MIPEP: variants seen among roughly 807,000 people sequenced by gnomAD.
MIPEP encodes the protein mitochondrial intermediate peptidase.
Under a neutral mutation model 90.3 loss-of-function variants are expected in MIPEP, and 79 were observed. The ratio of observed to expected loss-of-function variants is 0.87; its 90% CI spans 0.73 to 1.05. The LOEUF is 1.05. MIPEP is among the 50% of genes least tolerant of loss of function. The pLI is 0.00. For missense variants in MIPEP, 940 were observed against 905.6 expected (o/e 1.04, Z -0.49); for synonymous variants, 334 against 315.8 (o/e 1.06, Z -0.61).
intron 18 of MIPEP, among the ~76,000 whole-genome samples, chr13:23,731,254 T>G (rs751164539): frequency 1.3e-5 from 2 of 152,196 alleles, no homozygotes; most frequent in Non-Finnish European, 2.9e-5. Context: ...GTAAAACCAT[T>G]TTCAAAATCA....
intron 16 of MIPEP, among the ~76,000 whole-genome samples, chr13:23,775,462 C>A (rs940907569): frequency 2.6e-5 from 4 of 152,096 alleles, no homozygotes; most frequent in African/African-American, 9.7e-5. Flanking sequence ...GCCAATCAAT[C>A]CTGAAGTCCT....
chr13:23,857,851 A>C (rs115120005), intron 10 of MIPEP, among the ~76,000 whole-genome samples: 2,507 of 152,308 alleles, frequency 0.016, 72 homozygotes, highest in African/African-American at 0.058. Context: ...TTAAGCAAAT[A>C]CTTCTTATTT....
At chr13:23,737,677 C>T (rs1346499611) in intron 18 of MIPEP, among the ~76,000 whole-genome samples, 2 of 152,136 alleles carry the variant, frequency 1.3e-5, no homozygotes, top group African/African-American at 4.8e-5. Flanking sequence ...CTGTTTAACC[C>T]TTGAATGCCC....
intron 15 of MIPEP, 24 bp from the exon 16 acceptor site, chr13:23,806,093 T>C: frequency 6.2e-7 from 1 of 1,613,090 alleles, no homozygotes; most frequent in East Asian, 2.2e-5. Flanking sequence ...AACATCTACT[T>C]AGTTTTGGTC....
rs1178059077 is a variant in MIPEP, at chr13:23,870,203, C to A, written c.604-8G>T. 16 of 1,513,140 alleles carry A rather than the reference C, an allele frequency of 1.1e-5. No individual in the cohort carries two copies. In the Middle Eastern group the frequency reaches 5.3e-4, roughly 50 times the overall value. 93.7% of individuals were successfully genotyped at this position (1,513,140 alleles called of 1,614,324 possible). On this transcript the variant is annotated splice_region_variant and splice_polypyrimidine_tract_variant and intron_variant, in intron 5 of 18. Transcript: ENST00000382172. ...GTCCACTGCTCTTTTACGCTGTATGCAGGAGGAGTAAAAGTTATTTAAAGG... is the reference window on the plus strand; with the variant it reads ...GTCCACTGCTCTTTTACGCTGTATGAAGGAGGAGTAAAAGTTATTTAAAGG...
chr13:23,820,351 C>T (rs9510875), intron 14 of MIPEP, among the ~76,000 whole-genome samples: 53,348 of 151,992 alleles, frequency 0.35, 9,985 homozygotes, highest in African/African-American at 0.48. Context: ...TTAAATTATA[C>T]GTAGTCCTAC....
chr13:23,833,675 C>CA (rs1244629924), intron 14 of MIPEP, among the ~76,000 whole-genome samples: 3 of 152,074 alleles, frequency 2.0e-5, no homozygotes, highest in African/African-American at 7.2e-5. Context: ...AAGTAGATGG[C>CA]AATTTAAAAA....
At chr13:23,830,528 A>G (rs575679827) in intron 14 of MIPEP, among the ~76,000 whole-genome samples, 7 of 152,310 alleles carry the variant, frequency 4.6e-5, no homozygotes, top group African/African-American at 1.4e-4. Flanking sequence ...TTCTACAAAT[A>G]CTGTGTTATA....
Position 23,809,885 on chromosome 13 carries a change from T to A in MIPEP, c.1693A>T (p.Lys565Ter). 6.2e-7 allele frequency: 1 copy of A among 1,613,804 alleles called. No individual in the cohort carries two copies. The highest frequency in any genetic ancestry group is 1.1e-5 in the South Asian group (1 of 91,052). The change falls in exon 15 of 19, where the codon AAA (lysine) becomes TAA (stop). Residue 565 changes from lysine (K) to a stop codon, truncating the protein, a stop_gained. Coordinates refer to ENST00000382172, the MANE Select transcript of MIPEP (RefSeq NM_005932.4). LOFTEE classifies it high-confidence loss of function. Reference sequence around the variant, plus strand: ...ATATCAGCTGCAGCACAAACCTTTTTAGATTCACAAAGACGAGACACCATA... The same window carrying A: ...ATATCAGCTGCAGCACAAACCTTTTAAGATTCACAAAGACGAGACACCATA... ...KNMVSRLCES[K>*]KVCAAADMQL...
chr13:23,831,383 C>CGGGGGGGGGGGGGGGGGGGGGGGGGGG (rs1555237542), intron 14 of MIPEP, among the ~76,000 whole-genome samples: 3 of 40,900 alleles, frequency 7.3e-5, no homozygotes, highest in Admixed American at 2.4e-4. Flanking sequence ...TTCCCCATGG[C>CGGGGGGGGGGGGGGGGGGGGGGGGGGG]GGGGGGGGGA....
chr13:23,779,607 G>A (rs901763751), intron 16 of MIPEP, among the ~76,000 whole-genome samples: 3 of 152,076 alleles, frequency 2.0e-5, no homozygotes, highest in Non-Finnish European at 4.4e-5. Flanking sequence ...TCGGACAGTA[G>A]GGGCAGGACA....
chr13:23,783,211 T>C (rs921333352), intron 16 of MIPEP, among the ~76,000 whole-genome samples: 1 of 151,590 alleles, frequency 6.6e-6, no homozygotes, highest in Non-Finnish European at 1.5e-5. Flanking sequence ...TCCTCAATAC[T>C]GGCAAACTGA....
intron 18 of MIPEP, among the ~76,000 whole-genome samples, chr13:23,755,117 C>T (rs2138509883): frequency 6.6e-6 from 1 of 152,296 alleles, no homozygotes; most frequent in South Asian, 2.1e-4. Context: ...AAACCATCCC[C>T]AGAGGTGGAA....
intron 16 of MIPEP, among the ~76,000 whole-genome samples, chr13:23,779,471 G>A (rs184704773): frequency 2.0e-5 from 3 of 152,054 alleles, no homozygotes; most frequent in Non-Finnish European, 4.4e-5. Context: ...AGGTGTATGG[G>A]GGGGGCAGTT....
intron 14 of MIPEP, among the ~76,000 whole-genome samples, chr13:23,834,153 CCCGGAG>C (rs1169841720): frequency 6.6e-6 from 1 of 152,142 alleles, no homozygotes; most frequent in African/African-American, 2.4e-5. Flanking sequence ...GGGCCGAGCC[CCCGGAG>C]CCGGAGCCTG....
intron 4 of MIPEP, among the ~76,000 whole-genome samples, chr13:23,875,287 A>G (rs989785624): frequency 1.3e-5 from 2 of 152,226 alleles, no homozygotes; most frequent in African/African-American, 4.8e-5. Context: ...TTTGTAATAA[A>G]TAATTATTTA....
chr13:23,864,735 C>CAAAAAAAA lies in MIPEP; in HGVS notation c.944-554_944-547dup, dbSNP rs373133876. On this transcript the variant is annotated intron_variant, in intron 7 of 18. Transcript: ENST00000382172. ...TGGGCAAGAAAGTGAGACTCCATCT[C>CAAAAAAAA]AAAAAAAAAAAAAAAAAGAGTTAAT... 4.7e-5 allele frequency among the ~76,000 whole-genome samples: 4 copies of CAAAAAAAA among 85,250 alleles called. 1 individual carries two copies. Among genetic ancestry groups the CAAAAAAAA allele is most frequent in the African/African-American group, 9.2e-5 (2 of 21,732 alleles). 55.9% of individuals were successfully genotyped at this position (85,250 alleles called of 152,430 possible). A position where few individuals can be genotyped will look rare whatever the true frequency, so the allele number is the denominator to read the frequency against.
At position 23,864,180 on chromosome 13, in the gene MIPEP, A is replaced by G. The variant is rs1159990672; in HGVS notation, c.953T>C (p.Met318Thr). 1 of 1,564,428 alleles carries G rather than the reference A, an allele frequency of 6.4e-7. No homozygotes were observed. The highest frequency in any genetic ancestry group is 8.7e-7 in the Non-Finnish European group (1 of 1,153,332). ...GTIAKNPETV[M>T]QFLEKLSDKL... Reference sequence around the variant, plus strand: ...GTCAGATAGTTTTTCAAGGAACTGCATGACAGTCTCTAAAACGAAATCCAA... The same window carrying G: ...GTCAGATAGTTTTTCAAGGAACTGCGTGACAGTCTCTAAAACGAAATCCAA... The change falls in exon 8 of 19, where the codon ATG (methionine) becomes ACG (threonine). Residue 318 changes from methionine (M) to threonine (T), a missense_variant. Coordinates refer to ENST00000382172, the MANE Select transcript of MIPEP (RefSeq NM_005932.4).
In MIPEP at chr13:23,760,145, C is replaced by A. The variant is rs531105854; in HGVS notation, c.1921G>T (p.Val641Phe). The part of the protein sequence containing the change: ...RYYSYLMSRA[V>F]ASMVWKECFL... ...CACTCCTTCCAAACCATGGAGGCGACCGCTCTGGACATGAGGTAAGAGTAA... is the reference window on the plus strand; with the variant it reads ...CACTCCTTCCAAACCATGGAGGCGAACGCTCTGGACATGAGGTAAGAGTAA... Residue 641 changes from valine (V) to phenylalanine (F), a missense_variant, in exon 17 of 19, where the codon GTC (valine) becomes TTC (phenylalanine). Coordinates refer to ENST00000382172, the MANE Select transcript of MIPEP (RefSeq NM_005932.4). The A allele has an allele frequency of 2.8e-5, 46 of 1,614,130 alleles. No individual in the cohort carries two copies. The South Asian group carries it at 4.7e-4, about 17-fold the overall frequency.
Sources: gnomAD v4.1 joint callset for allele counts (sites outside exome capture counted in the v4.1 genomes callset) on GRCh38, gnomAD v4.1.1 for gene constraint, MANE v1.5 for transcripts, NCBI Gene and HGNC (gene_info 2026-07-23, HGNC 2026-07-21) for gene names.